Variants in KCTD16 observed in about 807,000 individuals in gnomAD.
KCTD16 encodes potassium channel tetramerization domain containing 16.
A neutral mutation model predicts 33.2 loss-of-function variants in KCTD16; 13 were observed. The observed-to-expected ratio is 0.39, with a 90% CI of 0.25 to 0.62. The LOEUF is 0.62. KCTD16 is among the 20% of genes least tolerant of loss of function. KCTD16 has a pLI of 0.50. For synonymous variants in KCTD16, 197 were observed against 195.3 expected (o/e 1.01, Z -0.07); for missense variants, 441 against 525.1 (o/e 0.84, Z 1.57).
chr5:144,273,961 G>A (rs1016211864), intron 3 of KCTD16, among the ~76,000 whole-genome samples: 8 of 149,928 alleles, frequency 5.3e-5, no homozygotes, highest in South Asian at 2.1e-4. Flanking sequence ...TAAAATATAC[G>A]TAACATATTA....
chr5:144,399,231 A>G (rs898243091), intron 3 of KCTD16, among the ~76,000 whole-genome samples: 1 of 152,200 alleles, frequency 6.6e-6, no homozygotes, highest in African/African-American at 2.4e-5. Flanking sequence ...GATAATTCAC[A>G]TAAAATTTTG....
chr5:144,171,531 TC>T (rs1752382781), intron 1 of KCTD16, among the ~76,000 whole-genome samples: 1 of 152,094 alleles, frequency 6.6e-6, no homozygotes, highest in African/African-American at 2.4e-5. Context: ...AGCAGTAGCA[TC>T]CCTAATCTCT....
chr5:144,400,734 T>C (rs1171590740), intron 3 of KCTD16, among the ~76,000 whole-genome samples: 1 of 152,138 alleles, frequency 6.6e-6, no homozygotes, highest in African/African-American at 2.4e-5. Flanking sequence ...AAGAAAATAT[T>C]ATATTTATAA....
intron 3 of KCTD16, among the ~76,000 whole-genome samples, chr5:144,418,583 T>C (rs780476955): frequency 5.3e-5 from 8 of 152,170 alleles, no homozygotes; most frequent in African/African-American, 7.2e-5. Flanking sequence ...TGTACTTCTT[T>C]ACTGGTGTTG....
At chr5:144,431,966 A>G (rs1207465809) in intron 3 of KCTD16, among the ~76,000 whole-genome samples, 1 of 152,162 alleles carries the variant, frequency 6.6e-6, no homozygotes, top group Non-Finnish European at 1.5e-5. Context: ...CATTTTTTCA[A>G]TATGTAAATC....
intron 3 of KCTD16, among the ~76,000 whole-genome samples, chr5:144,444,677 A>G (rs1753781993): frequency 6.6e-6 from 1 of 151,860 alleles, no homozygotes; most frequent in Non-Finnish European, 1.5e-5. Context: ...TTCTTCTGGC[A>G]TAAAGTCTTA....
chr5:144,295,453 T>G (rs1258648468), intron 3 of KCTD16, among the ~76,000 whole-genome samples: 1 of 152,124 alleles, frequency 6.6e-6, no homozygotes, highest in African/African-American at 2.4e-5. Flanking sequence ...AGGGTGAGAT[T>G]CAGACAAACT....
rs1754697469 is a variant in KCTD16, at chr5:144,481,177, A to G, written c.*7063A>G. 1 of 151,932 alleles carries G rather than the reference A, an allele frequency of 6.6e-6. No homozygotes were observed. Among genetic ancestry groups the G allele is most frequent in the South Asian group, 2.1e-4 (1 of 4,832 alleles). The allele number at this position is 151,932 out of a possible 1,614,324, so 9.4% of individuals were successfully genotyped here. The stretch of plus-strand genomic sequence containing the variant: ...CAACAGCTAAATGTGTTTGTTGTGA[A>G]GCACTCTGGGATCCTTTTCAGTTTA... On this transcript the variant is annotated 3_prime_UTR_variant, in exon 4 of 4. Coordinates refer to ENST00000512467, the MANE Select transcript of KCTD16 (RefSeq NM_020768.4).
chr5:144,177,974 A>G (rs959985649), intron 2 of KCTD16, among the ~76,000 whole-genome samples: 1 of 152,188 alleles, frequency 6.6e-6, no homozygotes, highest in African/African-American at 2.4e-5. Flanking sequence ...ACTATTGCAG[A>G]GTGGCAAACC....
At chr5:144,302,395 A>G (rs946012123) in intron 3 of KCTD16, among the ~76,000 whole-genome samples, 3 of 152,232 alleles carry the variant, frequency 2.0e-5, no homozygotes. Context: ...GAAGTGAAAT[A>G]TGAAAGACAA....
chr5:144,226,735 G>A (rs1753942837), intron 3 of KCTD16, among the ~76,000 whole-genome samples: 1 of 152,042 alleles, frequency 6.6e-6, no homozygotes, highest in African/African-American at 2.4e-5. Context: ...ACCACACCAA[G>A]CTAATTTTTG....
intron 3 of KCTD16, among the ~76,000 whole-genome samples, chr5:144,309,502 GA>G (rs1751702636): frequency 6.6e-6 from 1 of 151,996 alleles, no homozygotes; most frequent in Admixed American, 6.6e-5. Context: ...GTTAATATTT[GA>G]GTCTTCCAAG....
At chr5:144,349,998 C>T (rs909647971) in intron 3 of KCTD16, among the ~76,000 whole-genome samples, 2 of 152,106 alleles carry the variant, frequency 1.3e-5, no homozygotes, top group African/African-American at 4.8e-5. Flanking sequence ...AGCAGAATGC[C>T]AAATTCTGCA....
At chr5:144,334,056 A>G (rs903571536) in intron 3 of KCTD16, among the ~76,000 whole-genome samples, 18 of 152,208 alleles carry the variant, frequency 1.2e-4, no homozygotes, top group African/African-American at 4.3e-4. Context: ...AAACCAGAGT[A>G]TATTTGCCTT....
intron 2 of KCTD16, among the ~76,000 whole-genome samples, chr5:144,183,815 C>T (rs779480052): frequency 5.8e-4 from 88 of 152,114 alleles, no homozygotes; most frequent in Non-Finnish European, 1.0e-4. Context: ...ATAAATGAAT[C>T]AAGGCTAGAA....
chr5:144,368,982 G>T (rs1319970621), intron 3 of KCTD16, among the ~76,000 whole-genome samples: 1 of 152,166 alleles, frequency 6.6e-6, no homozygotes, highest in Admixed American at 6.5e-5. Flanking sequence ...ACCAAATAAG[G>T]TGTCAAATTT....
chr5:144,401,590 G>T lies in KCTD16; in HGVS notation c.833-72070G>T, dbSNP rs1263612430. On this transcript the variant is annotated intron_variant, in intron 3 of 3. Transcript: ENST00000512467. ...GCATTGAGAAGTGAGAGTGGGCAGG[G>T]TTTCCTGGGCATTTTGCAGAAGGAT... Among the ~76,000 whole-genome samples, 8 of 152,298 alleles carry T rather than the reference G, an allele frequency of 5.3e-5. No individual in the cohort carries two copies. The South Asian group carries it at 1.4e-3, about 28-fold the overall frequency.
chr5:144,304,727 G>A (rs1751547569), intron 3 of KCTD16, among the ~76,000 whole-genome samples: 1 of 152,140 alleles, frequency 6.6e-6, no homozygotes. Context: ...GAACGTTTTG[G>A]TCCCAGGAGA....
intron 3 of KCTD16, among the ~76,000 whole-genome samples, chr5:144,208,798 C>T (rs1434794845): frequency 1.3e-5 from 2 of 152,174 alleles, no homozygotes; most frequent in African/African-American, 4.8e-5. Context: ...ATAGCCAGAA[C>T]AACCTGTGGA....
Sources: allele counts gnomAD v4.1 joint callset (sites outside exome capture counted in the v4.1 genomes callset), GRCh38; gene constraint gnomAD v4.1.1; transcripts MANE v1.5; gene names NCBI Gene and HGNC (gene_info 2026-07-23, HGNC 2026-07-21).